The following RUNX2 variants were observed in gnomAD, a reference collection of about 807,000 sequenced individuals.
The protein encoded by RUNX2 is runt-related transcription factor 2.
In RUNX2, 10 loss-of-function variants were observed where a neutral mutation model predicts 51.7. That is an observed-to-expected ratio of 0.19 (90% confidence interval 0.12 to 0.33). The LOEUF (loss-of-function observed/expected upper bound fraction) is 0.33, where lower values mean the gene tolerates loss of function less well. Ranked by LOEUF, RUNX2 falls within the 10% of genes least tolerant of loss-of-function variation. The pLI, the probability that RUNX2 is intolerant of heterozygous loss-of-function variation, is 1.00. For missense variants in RUNX2, 562 were observed against 691.3 expected, an observed-to-expected ratio of 0.81 and a Z score of 2.10; for synonymous variants, 276 against 273.6, an observed-to-expected ratio of 1.01 and a Z score of -0.09.
chr6:45,370,677 A>T, intron 2 of RUNX2, among the ~76,000 whole-genome samples: 1 of 152,186 alleles, frequency 6.6e-6, no homozygotes, highest in Admixed American at 6.5e-5. Context: ...TGAATTGAAA[A>T]TATCAAAACA....
intron 2 of RUNX2, among the ~76,000 whole-genome samples, chr6:45,343,906 T>G (rs557885662): frequency 2.0e-5 from 3 of 152,202 alleles, no homozygotes; most frequent in African/African-American, 7.2e-5. Context: ...GACCTCCACC[T>G]GACAGGTCTA....
chr6:45,387,155 C>T (rs1797367414), intron 2 of RUNX2, among the ~76,000 whole-genome samples: 1 of 152,166 alleles, frequency 6.6e-6, no homozygotes, highest in Non-Finnish European at 1.5e-5. Flanking sequence ...ACTCAAGTAT[C>T]ATTCCAAGGT....
At chr6:45,375,461 G>T (rs926175042) in intron 2 of RUNX2, among the ~76,000 whole-genome samples, 2 of 152,136 alleles carry the variant, frequency 1.3e-5, no homozygotes, top group African/African-American at 4.8e-5. Flanking sequence ...TATATTATGA[G>T]CTATTCTCTC....
At chr6:45,418,119 G>C (rs1459009366) in intron 2 of RUNX2, among the ~76,000 whole-genome samples, 1 of 151,992 alleles carries the variant, frequency 6.6e-6, no homozygotes, top group Non-Finnish European at 1.5e-5. Context: ...TTTAATAGCT[G>C]GTCCATTGAA....
chr6:45,391,583 G>T (rs1175337072), intron 2 of RUNX2, among the ~76,000 whole-genome samples: 1 of 152,150 alleles, frequency 6.6e-6, no homozygotes, highest in Non-Finnish European at 1.5e-5. Flanking sequence ...CCTGAGACTG[G>T]GTAATTTATA....
In RUNX2 at chr6:45,422,949, G is replaced by A. The variant is rs760449546; in HGVS notation, c.415G>A (p.Ala139Thr). The stretch of plus-strand genomic sequence containing the variant: ...GCGCTGCAACAAGACCCTGCCCGTG[G>A]CCTTCAAGGTAAGAGGCTACACCGC... ...HWRCNKTLPV[A>T]FKVVALGEVP... The change falls in exon 3 of 9, where the codon GCC becomes ACC. Residue 139 changes from alanine to threonine, a missense_variant. Coordinates refer to ENST00000647337, the MANE Select transcript of RUNX2 (RefSeq NM_001024630.4). 1 of 1,610,916 alleles carries A rather than the reference G, an allele frequency of 6.2e-7. No homozygotes were observed. The highest frequency in any genetic ancestry group is 2.2e-5 in the East Asian group (1 of 44,748).
chr6:45,544,198 T>A (rs1802319674), intron 7 of RUNX2, among the ~76,000 whole-genome samples: 1 of 152,158 alleles, frequency 6.6e-6, no homozygotes, highest in Admixed American at 6.5e-5. Flanking sequence ...TAAAATACTG[T>A]AAACCTAGCG....
chr6:45,482,926 A>G (rs1361144143), intron 5 of RUNX2, among the ~76,000 whole-genome samples: 1 of 152,142 alleles, frequency 6.6e-6, no homozygotes, highest in Non-Finnish European at 1.5e-5. Context: ...ACTCTTGAAG[A>G]TATGTGGTAG....
chr6:45,495,185 T>G (rs1392035122), intron 6 of RUNX2, among the ~76,000 whole-genome samples: 1 of 152,262 alleles, frequency 6.6e-6, no homozygotes, highest in Non-Finnish European at 1.5e-5. Context: ...TCTACCCTGC[T>G]ACATTGTACA....
chr6:45,426,096 A>G (rs1350473245), intron 3 of RUNX2, among the ~76,000 whole-genome samples: 1 of 152,336 alleles, frequency 6.6e-6, no homozygotes, highest in Admixed American at 6.5e-5. Context: ...AGAATGTATT[A>G]GCGTTGTTCA....
chr6:45,532,905 C>CTTTTT (rs10706582), intron 7 of RUNX2, among the ~76,000 whole-genome samples: 1 of 125,880 alleles, frequency 7.9e-6, no homozygotes, highest in Non-Finnish European at 1.7e-5. Context: ...AGACCGGGCT[C>CTTTTT]TTTTTTTTTT....
intron 5 of RUNX2, among the ~76,000 whole-genome samples, chr6:45,447,663 G>T (rs1274826078): frequency 6.6e-6 from 1 of 152,036 alleles, no homozygotes; most frequent in East Asian, 1.9e-4. Context: ...ATATTTCCTG[G>T]ATTAGTCATT....
chr6:45,455,036 C>T (rs371419800), intron 5 of RUNX2, among the ~76,000 whole-genome samples: 9 of 152,276 alleles, frequency 5.9e-5, no homozygotes, highest in East Asian at 5.8e-4. Context: ...ATCGCTTGAA[C>T]CTGGGAGGTG....
chr6:45,397,950 T>C (rs56789892), intron 2 of RUNX2, among the ~76,000 whole-genome samples: 11,690 of 152,246 alleles, frequency 0.077, 588 homozygotes, highest in South Asian at 0.18. Flanking sequence ...CGTGTGACAT[T>C]GAACCTAGCA....
intron 6 of RUNX2, among the ~76,000 whole-genome samples, chr6:45,505,440 G>A (rs955040155): frequency 3.3e-5 from 5 of 150,484 alleles, no homozygotes; most frequent in Admixed American, 2.0e-4. Context: ...ATGCAGATGC[G>A]AAATTTGGCT....
intron 5 of RUNX2, among the ~76,000 whole-genome samples, chr6:45,454,591 T>C (rs1051991675): frequency 1.4e-4 from 22 of 152,248 alleles, no homozygotes; most frequent in African/African-American, 5.3e-4. Flanking sequence ...GGCTAATTTA[T>C]AAATGTCTCC....
intron 2 of RUNX2, among the ~76,000 whole-genome samples, chr6:45,401,316 A>C (rs868108624): frequency 4.6e-5 from 7 of 152,210 alleles, no homozygotes; most frequent in African/African-American, 1.4e-4. Context: ...TTCCTTAAGA[A>C]TTCTTTAAGA....
chr6:45,438,950 T>G (rs1390903036), intron 5 of RUNX2, among the ~76,000 whole-genome samples: 1 of 152,034 alleles, frequency 6.6e-6, no homozygotes, highest in Non-Finnish European at 1.5e-5. Context: ...TTTAGGGAGG[T>G]CAGTTTGGTT....
chr6:45,460,552 G>T (rs564945313), intron 5 of RUNX2, among the ~76,000 whole-genome samples: 17 of 152,174 alleles, frequency 1.1e-4, no homozygotes, highest in Admixed American at 5.2e-4. Flanking sequence ...GGCAGTAACC[G>T]GAAGGGGATA....
Sources: allele counts gnomAD v4.1 joint callset (sites outside exome capture counted in the v4.1 genomes callset), GRCh38; gene constraint gnomAD v4.1.1; transcripts MANE v1.5; gene names NCBI Gene and HGNC (gene_info 2026-07-23, HGNC 2026-07-21).